EHHADH: variants seen among roughly 807,000 people sequenced by gnomAD.
EHHADH encodes the protein enoyl-CoA hydratase and 3-hydroxyacyl CoA dehydrogenase.
A neutral mutation model predicts 64.4 loss-of-function variants in EHHADH; 48 were observed. The observed-to-expected ratio is 0.75, with a 90% CI of 0.59 to 0.95. The LOEUF (loss-of-function observed/expected upper bound fraction) is 0.95, where lower values mean the gene tolerates loss of function less well. EHHADH is among the 40% of genes least tolerant of loss of function. The probability of loss-of-function intolerance (pLI) is 0.00; values close to 1 mark genes in which losing one functional copy is unlikely to be tolerated. For missense variants in EHHADH, 854 were observed against 876.6 expected, an observed-to-expected ratio of 0.97 and a Z score of 0.33; for synonymous variants, 308 against 326.7, an observed-to-expected ratio of 0.94 and a Z score of 0.62.
intron 5 of EHHADH, among the ~76,000 whole-genome samples, chr3:185,205,613 A>G (rs1310721249): frequency 6.6e-6 from 1 of 152,204 alleles, no homozygotes; most frequent in Non-Finnish European, 1.5e-5. Context: ...TTTTTATTTT[A>G]AAACAAAGAA....
intron 6 of EHHADH, among the ~76,000 whole-genome samples, chr3:185,198,930 G>A (rs1000035855): frequency 9.7e-5 from 14 of 143,760 alleles, no homozygotes; most frequent in African/African-American, 3.9e-4. Flanking sequence ...CAATTAAACT[G>A]TTATTAAAAA....
At position 185,235,300 on chromosome 3, in the gene EHHADH, G is replaced by A. The variant is rs749233042; in HGVS notation, c.341C>T (p.Ala114Val). 8.1e-6 allele frequency: 13 copies of A among 1,610,472 alleles called. No homozygotes were observed. The Admixed American group carries it at 2.2e-4, about 27-fold the overall frequency. ...AGCCTTGGTTGTTACCTCTGCGTGG[G>A]CAATCCTATAGTGACAGCCCAGGGC... ...ELALGCHYRI[A>V]HAEAQVGLPE... The change falls in exon 3 of 7, where the codon GCC (alanine) becomes GTC (valine). Residue 114 changes from alanine to valine, a missense_variant. By Grantham distance (64) the Ala-to-Val change is moderately conservative. Coordinates refer to ENST00000231887, the MANE Select transcript of EHHADH (RefSeq NM_001966.4).
chr3:185,219,313 G>A (rs1235023589), intron 4 of EHHADH, among the ~76,000 whole-genome samples: 1 of 152,186 alleles, frequency 6.6e-6, no homozygotes, highest in Non-Finnish European at 1.5e-5. Flanking sequence ...GTGGCAGCTG[G>A]AGTGTGGCCC....
intron 5 of EHHADH, among the ~76,000 whole-genome samples, chr3:185,207,894 T>C (rs764158237): frequency 6.6e-6 from 1 of 152,206 alleles, no homozygotes. Flanking sequence ...AGGTAAACAA[T>C]GTAATTTCTT....
At chr3:185,194,424 C>T (rs932380611) in intron 6 of EHHADH, among the ~76,000 whole-genome samples, 3 of 152,046 alleles carry the variant, frequency 2.0e-5, no homozygotes, top group East Asian at 1.9e-4. Flanking sequence ...ACCAGCCTGA[C>T]CAACATGGAG....
In EHHADH at chr3:185,235,376, G is replaced by C. The variant is rs1289048625; in HGVS notation, c.265C>G (p.Pro89Ala). Reference protein sequence around the residue: ...VVDEIQRNEKPVVAAIQGMAF... With the variant: ...VVDEIQRNEKAVVAAIQGMAF... The stretch of plus-strand genomic sequence containing the variant: ...ATGCCTTGGATTGCTGCCACCACGG[G>C]CTTCTCATTTCTCTGTATTTCATCT... Residue 89 changes from proline (P) to alanine (A), a missense_variant, in exon 3 of 7, where the codon CCC becomes GCC. Pro to Ala is a conservative substitution (Grantham distance 27, BLOSUM62 -1). Transcript: ENST00000231887. The C allele has an allele frequency of 4.3e-6, 7 of 1,613,778 alleles. No individual in the cohort carries two copies. The highest frequency in any genetic ancestry group is 3.3e-5 in the Admixed American group (2 of 59,972).
At chr3:185,229,396 C>T in intron 4 of EHHADH, 36 bp downstream of exon 4, 1 of 1,289,680 alleles carries the variant, frequency 7.8e-7, no homozygotes. Flanking sequence ...ATTCTTCACA[C>T]TAATCTAGAC....
In EHHADH at chr3:185,193,466, C is replaced by A. The variant is rs1301503304; in HGVS notation, c.932G>T (p.Gly311Val). 6.2e-7 allele frequency: 1 copy of A among 1,613,936 alleles called. No homozygotes were observed. Among genetic ancestry groups the A allele is most frequent in the Admixed American group, 1.7e-5 (1 of 59,978 alleles). ...GGCCCTTGCAAAAGAAATGACAATG[C>A]CTCGGCCCATTGTTCCCAAGCCTGC... ...GVVGLGTMGRGIVISFARARI... is the reference protein window; with the variant it reads ...GVVGLGTMGRVIVISFARARI... Residue 311 changes from glycine (G) to valine (V), a missense_variant, in exon 7 of 7, where the codon GGC becomes GTC. By Grantham distance (109) the Gly-to-Val change is moderately radical (BLOSUM62 -3). Coordinates refer to ENST00000231887, the MANE Select transcript of EHHADH (RefSeq NM_001966.4).
intron 2 of EHHADH, among the ~76,000 whole-genome samples, chr3:185,235,792 A>G (rs947929332): frequency 6.6e-6 from 1 of 152,152 alleles, no homozygotes; most frequent in African/African-American, 2.4e-5. Context: ...GAAAAGGGGA[A>G]TAGGGACTCT....
chr3:185,213,458 T>C (rs1291986555), intron 5 of EHHADH, among the ~76,000 whole-genome samples: 3 of 152,196 alleles, frequency 2.0e-5, no homozygotes, highest in Non-Finnish European at 4.4e-5. Flanking sequence ...TAGCTTTCCA[T>C]AACTATAGAT....
intron 6 of EHHADH, 100 bp downstream of exon 6, chr3:185,204,315 AT>A (rs1718317807): frequency 2.9e-6 from 3 of 1,045,378 alleles, no homozygotes; most frequent in Non-Finnish European, 4.1e-6. Context: ...AACACAAGTA[AT>A]GTGTCTTACG....
chr3:185,223,589 A>G (rs1159738274), intron 4 of EHHADH, among the ~76,000 whole-genome samples: 1 of 152,168 alleles, frequency 6.6e-6, no homozygotes, highest in Non-Finnish European at 1.5e-5. Context: ...TGCTAGTACT[A>G]AAAAATGTAT....
chr3:185,252,226 C>G (rs1719768080), intron 1 of EHHADH, among the ~76,000 whole-genome samples: 1 of 151,976 alleles, frequency 6.6e-6, no homozygotes, highest in African/African-American at 2.4e-5. Flanking sequence ...ATGGTGAAAC[C>G]CCGTCTCTAC....
chr3:185,193,700 C>T (rs539396961), intron 6 of EHHADH, among the ~76,000 whole-genome samples: 71 of 152,068 alleles, frequency 4.7e-4, no homozygotes, highest in African/African-American at 1.6e-3. Context: ...CAAATAGAAG[C>T]TATACAAACT....
chr3:185,251,001 A>C (rs527668495), intron 1 of EHHADH, among the ~76,000 whole-genome samples: 1 of 152,314 alleles, frequency 6.6e-6, no homozygotes, highest in Non-Finnish European at 1.5e-5. Context: ...CAAAAACAGG[A>C]AAAAAATGAA....
intron 5 of EHHADH, among the ~76,000 whole-genome samples, chr3:185,211,214 T>C (rs1718531935): frequency 6.6e-6 from 1 of 152,216 alleles, no homozygotes; most frequent in Non-Finnish European, 1.5e-5. Flanking sequence ...AGTTTTCAAG[T>C]CACTCAGCAG....
intron 2 of EHHADH, among the ~76,000 whole-genome samples, chr3:185,243,287 T>C (rs1347742028): frequency 1.3e-5 from 2 of 152,208 alleles, no homozygotes; most frequent in African/African-American, 4.8e-5. Context: ...TCCTGATTTA[T>C]TCCAGTAGTC....
At chr3:185,207,921 G>T (rs1282838241) in intron 5 of EHHADH, among the ~76,000 whole-genome samples, 1 of 152,144 alleles carries the variant, frequency 6.6e-6, no homozygotes, top group Admixed American at 6.5e-5. Flanking sequence ...GCAAAAACTT[G>T]AGCAGTTATT....
At chr3:185,217,151 G>A (rs1389019002) in intron 5 of EHHADH, among the ~76,000 whole-genome samples, 1 of 152,172 alleles carries the variant, frequency 6.6e-6, no homozygotes, top group Non-Finnish European at 1.5e-5. Context: ...AGCCTGGTGG[G>A]AGGTTACTGG....
Sources: allele counts gnomAD v4.1 joint callset (sites outside exome capture counted in the v4.1 genomes callset), GRCh38; gene constraint gnomAD v4.1.1; transcripts MANE v1.5; gene names NCBI Gene and HGNC (gene_info 2026-07-23, HGNC 2026-07-21).